The following METAP1D variants were observed in gnomAD, a reference collection of about 807,000 sequenced individuals.
The protein encoded by METAP1D is methionyl aminopeptidase type 1D, mitochondrial.
In METAP1D, 31 loss-of-function variants were observed where a neutral mutation model predicts 40.5. The ratio of observed to expected loss-of-function variants is 0.77; its 90% CI spans 0.58 to 1.03. The LOEUF (loss-of-function observed/expected upper bound fraction) is 1.03, where lower values mean the gene tolerates loss of function less well. Ranked by LOEUF, METAP1D falls within the 50% of genes least tolerant of loss-of-function variation. The pLI is 0.00. For missense variants in METAP1D, 411 were observed against 420.7 expected (o/e 0.98, Z 0.20); for synonymous variants, 151 against 146.4 (o/e 1.03, Z -0.22).
intron 7 of METAP1D, among the ~76,000 whole-genome samples, chr2:172,078,734 G>A (rs1690617476): frequency 6.6e-6 from 1 of 152,186 alleles, no homozygotes; most frequent in African/African-American, 2.4e-5. Flanking sequence ...TCAGCCTTGT[G>A]CCCTACCTGG....
At chr2:172,008,094 A>G (rs944386785) in intron 1 of METAP1D, among the ~76,000 whole-genome samples, 1 of 142,076 alleles carries the variant, frequency 7.0e-6, no homozygotes, top group African/African-American at 2.6e-5. Flanking sequence ...GGAGCTTTGC[A>G]TTTTGTGGAT....
chr2:172,017,956 G>A (rs1688916055), intron 1 of METAP1D, among the ~76,000 whole-genome samples: 1 of 151,674 alleles, frequency 6.6e-6, no homozygotes, highest in South Asian at 2.1e-4. Flanking sequence ...GTGAAACCCC[G>A]TCTCTACTAA....
intron 1 of METAP1D, among the ~76,000 whole-genome samples, chr2:172,049,814 C>T (rs1409730724): frequency 1.3e-5 from 2 of 152,180 alleles, no homozygotes; most frequent in African/African-American, 2.4e-5. Context: ...TTTCCTGAAG[C>T]ATTAGCTTTC....
chr2:172,074,291 CTA>C (rs757174489), intron 6 of METAP1D, among the ~76,000 whole-genome samples: 5 of 152,014 alleles, frequency 3.3e-5, no homozygotes, highest in South Asian at 4.2e-4. Context: ...TAATTCATAA[CTA>C]TATGTTTTGA....
Position 172,041,460 on chromosome 2 carries a change from A to C in METAP1D, c.41-20038A>C, listed in dbSNP as rs77523354. On this transcript the variant is annotated intron_variant, in intron 1 of 9. Transcript: ENST00000315796. ...GGTGACAGCGCAAGACTCTGTATCA[A>C]AAAAAAAAAAAAAGAATCCACTTAA... 1.0e-4 allele frequency among the ~76,000 whole-genome samples: 3 copies of C among 29,784 alleles called. 1 individual carries two copies. Among genetic ancestry groups the C allele is most frequent in the African/African-American group, 4.8e-4 (3 of 6,248 alleles). The allele number at this position is 29,784 out of a possible 152,430, so 19.5% of individuals were successfully genotyped here.
intron 1 of METAP1D, among the ~76,000 whole-genome samples, chr2:172,056,001 T>G (rs549905108): frequency 6.6e-6 from 1 of 152,342 alleles, no homozygotes; most frequent in South Asian, 2.1e-4. Flanking sequence ...AGTGGAGGCC[T>G]GATGACTTCA....
chr2:172,044,018 A>G (rs1689676654), intron 1 of METAP1D, among the ~76,000 whole-genome samples: 1 of 133,232 alleles, frequency 7.5e-6, no homozygotes, highest in Admixed American at 7.4e-5. Context: ...GCTTGAGCCC[A>G]GGAAGTTAAA....
chr2:172,072,604 C>A (rs1323793921), intron 6 of METAP1D: 2 of 163,256 alleles, frequency 1.2e-5, no homozygotes, highest in African/African-American at 4.8e-5. Flanking sequence ...TTCTGTTGTT[C>A]TCCCTGTCTC....
At chr2:172,035,518 C>G (rs1279692870) in intron 1 of METAP1D, among the ~76,000 whole-genome samples, 1 of 152,180 alleles carries the variant, frequency 6.6e-6, no homozygotes, top group Non-Finnish European at 1.5e-5. Context: ...CAGAAAACCT[C>G]TGCATGCTTC....
chr2:172,030,171 C>A (rs936761696), intron 1 of METAP1D, among the ~76,000 whole-genome samples: 1 of 151,170 alleles, frequency 6.6e-6, no homozygotes, highest in Non-Finnish European at 1.5e-5. Flanking sequence ...CTCACCACAA[C>A]CTCCACCTCC....
At chr2:172,058,577 G>C (rs1690052647) in intron 1 of METAP1D, among the ~76,000 whole-genome samples, 1 of 151,630 alleles carries the variant, frequency 6.6e-6, no homozygotes, top group South Asian at 2.1e-4. Context: ...CAGGAGTCTT[G>C]CTTTGTTGCC....
Position 172,078,123 on chromosome 2 carries a change from T to C in METAP1D, c.802+229T>C, listed in dbSNP as rs369937957. 1.4e-4 allele frequency among the ~76,000 whole-genome samples: 21 copies of C among 152,292 alleles called. No individual in the cohort carries two copies. In the South Asian group the frequency reaches 4.3e-3, roughly 32 times the overall value. On this transcript the variant is annotated intron_variant, in intron 7 of 9. Coordinates refer to ENST00000315796, the MANE Select transcript of METAP1D (RefSeq NM_199227.3). ...AATCCCAAAATAAGGTTTATTTTGCTCTCTGTCTTCTCCTGAAGGGTGCAT... is the reference window on the plus strand; with the variant it reads ...AATCCCAAAATAAGGTTTATTTTGCCCTCTGTCTTCTCCTGAAGGGTGCAT...
At chr2:172,005,437 G>A (rs986910264) in intron 1 of METAP1D, among the ~76,000 whole-genome samples, 3 of 149,476 alleles carry the variant, frequency 2.0e-5, no homozygotes, top group Admixed American at 6.7e-5. Flanking sequence ...TAGAATAATG[G>A]CCTCCAGTTC....
chr2:172,059,995 G>A (rs1009774952), intron 1 of METAP1D, among the ~76,000 whole-genome samples: 12 of 152,084 alleles, frequency 7.9e-5, no homozygotes, highest in African/African-American at 2.9e-4. Context: ...AGGTTGCAGT[G>A]AGCCAAGATC....
At chr2:172,011,840 A>G (rs539730221) in intron 1 of METAP1D, among the ~76,000 whole-genome samples, 3 of 152,298 alleles carry the variant, frequency 2.0e-5, no homozygotes, top group Non-Finnish European at 2.9e-5. Context: ...GCTACTATGA[A>G]TATTTGTGTA....
At chr2:172,031,514 T>C (rs1021300805) in intron 1 of METAP1D, among the ~76,000 whole-genome samples, 12 of 152,200 alleles carry the variant, frequency 7.9e-5, no homozygotes, top group African/African-American at 2.9e-4. Context: ...AAAATGGATA[T>C]TATATAATAA....
At chr2:172,070,375 A>T (rs187326024) in intron 5 of METAP1D, among the ~76,000 whole-genome samples, 1 of 152,192 alleles carries the variant, frequency 6.6e-6, no homozygotes, top group Non-Finnish European at 1.5e-5. Context: ...AACCACTTCA[A>T]TTCTTAGAAC....
At chr2:172,057,832 A>T (rs182156017) in intron 1 of METAP1D, among the ~76,000 whole-genome samples, 12 of 152,332 alleles carry the variant, frequency 7.9e-5, no homozygotes, top group African/African-American at 2.9e-4. Flanking sequence ...ATGAGCTAAC[A>T]TATGTAAAGT....
intron 7 of METAP1D, among the ~76,000 whole-genome samples, chr2:172,078,593 A>G (rs1226939007): frequency 6.6e-6 from 1 of 152,180 alleles, no homozygotes; most frequent in Non-Finnish European, 1.5e-5. Context: ...ATTGGTCCAT[A>G]GAAGGACTAC....
Sources: allele counts gnomAD v4.1 joint callset (sites outside exome capture counted in the v4.1 genomes callset), GRCh38; gene constraint gnomAD v4.1.1; transcripts MANE v1.5; gene names NCBI Gene and HGNC (gene_info 2026-07-23, HGNC 2026-07-21).